The following MBD3 variants were observed in gnomAD, a reference collection of about 807,000 sequenced individuals.
MBD3 encodes methyl-CpG-binding domain protein 3.
Under a neutral mutation model 31.2 loss-of-function variants are expected in MBD3, and 13 were observed. That is an observed-to-expected ratio of 0.42 (90% CI 0.27 to 0.66). MBD3 has a LOEUF of 0.66. MBD3 is among the 30% of genes least tolerant of loss of function. The pLI is 0.26. For synonymous variants in MBD3, 223 were observed against 187.4 expected (o/e 1.19, Z -1.55); for missense variants, 440 against 426.5 (o/e 1.03, Z -0.28).
intron 3 of MBD3, among the ~76,000 whole-genome samples, chr19:1,584,067 C>T (rs59290133): frequency 3.2e-4 from 49 of 152,180 alleles, no homozygotes; most frequent in African/African-American, 1.2e-3. Flanking sequence ...TCAGGTGATC[C>T]ACCTGCCTCG....
In MBD3 at chr19:1,577,698, A is replaced by ATGCCCC. The variant is rs1917236485; in HGVS notation, c.*465_*466insGGGGCA. 6.3e-6 allele frequency: 1 copy of ATGCCCC among 157,542 alleles called. No homozygotes were observed. Among genetic ancestry groups the ATGCCCC allele is most frequent in the African/African-American group, 2.4e-5 (1 of 41,448 alleles). The allele number at this position is 157,542 out of a possible 1,614,324, so 9.8% of individuals were successfully genotyped here. ...CCGTCCTGCATGCCCCCCACAGCAGACCAGAGTCCCGTCCTCACGCTGCAC... is the reference window on the plus strand; with the variant it reads ...CCGTCCTGCATGCCCCCCACAGCAGATGCCCCCCAGAGTCCCGTCCTCACGCTGCAC... On this transcript the variant is annotated 3_prime_UTR_variant, in exon 7 of 7. Transcript: ENST00000434436.
At chr19:1,592,041 G>A (rs1245380899) in intron 1 of MBD3, 1 of 152,448 alleles carries the variant, frequency 6.6e-6, no homozygotes, top group East Asian at 1.9e-4. Context: ...CTTATTCCCA[G>A]GACTGGGGCG....
Position 1,585,238 on chromosome 19 carries a change from C to T in MBD3, c.111-24G>A, listed in dbSNP as rs980618758. 1.2e-5 allele frequency: 18 copies of T among 1,555,400 alleles called. No individual in the cohort carries two copies. The highest frequency in any genetic ancestry group is 3.7e-5 in the Admixed American group (2 of 53,446). Reference sequence around the variant, plus strand: ...GGCTGCGGGGAGGCGGGACGGTCGGCGCCCCGGGCGGACCCCAGACCCCAA... The same window carrying T: ...GGCTGCGGGGAGGCGGGACGGTCGGTGCCCCGGGCGGACCCCAGACCCCAA... On this transcript the variant is annotated intron_variant, in intron 1 of 6. Transcript: ENST00000434436. This position sits in a 1 kb window ranked among gnomAD's most constrained non-coding sequence, Gnocchi z 4.1.
At chr19:1,591,091 CCTG>C (rs1005438908) in intron 1 of MBD3, among the ~76,000 whole-genome samples, 1 of 152,212 alleles carries the variant, frequency 6.6e-6, no homozygotes, top group Non-Finnish European at 1.5e-5. Flanking sequence ...TTAGGGGGTT[CCTG>C]CTGCCTGGAC....
At chr19:1,584,306 T>TAG (rs2060667066) in intron 3 of MBD3, among the ~76,000 whole-genome samples, 1 of 151,980 alleles carries the variant, frequency 6.6e-6, no homozygotes, top group African/African-American at 2.4e-5. Flanking sequence ...AGCCTCAGCC[T>TAG]CCTGGGCTCA....
rs2060675767 is a variant in MBD3, at chr19:1,585,637, G to A, written c.111-423C>T. 8.6e-6 allele frequency: 2 copies of A among 233,814 alleles called. No individual in the cohort carries two copies. Among genetic ancestry groups the A allele is most frequent in the Non-Finnish European group, 8.6e-6 (1 of 116,836 alleles). The allele number at this position is 233,814 out of a possible 1,614,324, so 14.5% of individuals were successfully genotyped here. A position where few individuals can be genotyped will look rare whatever the true frequency, so the allele number is the denominator to read the frequency against. The stretch of plus-strand genomic sequence containing the variant: ...TCGGGTACAAACGCTACTACCTACA[G>A]GGCTTTGGGCCCCGGCTCTGGGAGG... On this transcript the variant is annotated intron_variant, in intron 1 of 6. Transcript: ENST00000434436. The surrounding 1 kb of genome is among the most constrained non-coding windows in gnomAD (Gnocchi z 4.1).
chr19:1,581,294 G>A (rs201517128), intron 4 of MBD3, 25 bp from the exon 5 acceptor site: 61 of 1,599,500 alleles, frequency 3.8e-5, no homozygotes, highest in Admixed American at 1.2e-4. Flanking sequence ...ACAAACAGCC[G>A]CAAGTGGAGA....
At chr19:1,589,741 C>T (rs188915813) in intron 1 of MBD3, among the ~76,000 whole-genome samples, 32 of 151,830 alleles carry the variant, frequency 2.1e-4, no homozygotes, top group Admixed American at 2.0e-3. Flanking sequence ...GCTTAGGAGG[C>T]AGGATCGCTT....
intron 1 of MBD3, among the ~76,000 whole-genome samples, chr19:1,587,661 T>TG (rs2060685608): frequency 6.6e-6 from 1 of 152,218 alleles, no homozygotes; most frequent in Admixed American, 6.5e-5. Flanking sequence ...GAGATCCTCC[T>TG]GCCTCGACCT....
At chr19:1,586,942 C>T (rs1344976232) in intron 1 of MBD3, among the ~76,000 whole-genome samples, 3 of 151,206 alleles carry the variant, frequency 2.0e-5, no homozygotes, top group Non-Finnish European at 4.4e-5. Flanking sequence ...GCTGGGATTA[C>T]AGGTGTGAGT....
chr19:1,589,482 G>A (rs1356775056), intron 1 of MBD3, among the ~76,000 whole-genome samples: 36 of 151,566 alleles, frequency 2.4e-4, no homozygotes, highest in African/African-American at 4.8e-5. Context: ...GTGAAACCCC[G>A]TCTCTATTAA....
At chr19:1,581,443 AG>A in intron 4 of MBD3, 174 bp from the exon 5 acceptor site, 4 of 710,784 alleles carry the variant, frequency 5.6e-6, no homozygotes, top group South Asian at 5.1e-5. Flanking sequence ...CATTCATAAC[AG>A]AAAAAAAAGC....
chr19:1,584,759 C>A, intron 2 of MBD3, 82 bp from the exon 3 acceptor site: 1 of 1,422,224 alleles, frequency 7.0e-7, no homozygotes, highest in Non-Finnish European at 9.5e-7. Context: ...CCGGGTGACC[C>A]CCTGCTTTGC....
chr19:1,580,425 G>A (rs765588622), intron 5 of MBD3, among the ~76,000 whole-genome samples: 4 of 152,228 alleles, frequency 2.6e-5, no homozygotes, highest in Admixed American at 6.5e-5. Flanking sequence ...CTCCCTGGCC[G>A]TTCCGGGTCT....
chr19:1,588,406 GGAA>G (rs1406937896), intron 1 of MBD3, among the ~76,000 whole-genome samples: 3 of 152,160 alleles, frequency 2.0e-5, no homozygotes, highest in Admixed American at 6.5e-5. Context: ...CCACAAGGAA[GGAA>G]GAAGAGACCC....
rs375435322 is a variant in MBD3 at position 1,578,559 on chromosome 19, C to T, written c.678-21G>A. On this transcript the variant is annotated intron_variant, in intron 5 of 6. Coordinates refer to ENST00000434436, the MANE Select transcript of MBD3 (RefSeq NM_001281453.2). The surrounding 1 kb of genome is among the most constrained non-coding windows in gnomAD (Gnocchi z 6.1). Reference sequence around the variant, plus strand: ...GCTTCCTGGGGACACATGGACCTTGCGTTACACCAAGGTGAGCGGCCAGCA... The same window carrying T: ...GCTTCCTGGGGACACATGGACCTTGTGTTACACCAAGGTGAGCGGCCAGCA... 9.9e-6 allele frequency: 16 copies of T among 1,610,922 alleles called. No homozygotes were observed. In the East Asian group the frequency reaches 1.1e-4, roughly 11 times the overall value.
chr19:1,587,571 T>C (rs1394192578), intron 1 of MBD3, among the ~76,000 whole-genome samples: 3 of 152,158 alleles, frequency 2.0e-5, no homozygotes, highest in Admixed American at 6.6e-5. Flanking sequence ...TGCACCACCA[T>C]GCCCAGCTAA....
In MBD3 at chr19:1,592,691, C is replaced by T; in HGVS notation, c.-60G>A. 1.7e-6 allele frequency: 1 copy of T among 603,848 alleles called. No homozygotes were observed. The highest frequency in any genetic ancestry group is 2.1e-6 in the Non-Finnish European group (1 of 467,346). 37.4% of individuals were successfully genotyped at this position (603,848 alleles called of 1,614,324 possible). A position where few individuals can be genotyped will look rare whatever the true frequency, so the allele number is the denominator to read the frequency against. ...CGCCGCCGCCCGGACCCCCACTCGCCGCCGCCGCCTCAGCTGCCTCCGCTG... is the reference window on the plus strand; with the variant it reads ...CGCCGCCGCCCGGACCCCCACTCGCTGCCGCCGCCTCAGCTGCCTCCGCTG... On this transcript the variant is annotated 5_prime_UTR_variant, in exon 1 of 7. Transcript: ENST00000434436.
chr19:1,582,964 G>A (rs932843624), intron 3 of MBD3, among the ~76,000 whole-genome samples: 2 of 152,160 alleles, frequency 1.3e-5, no homozygotes, highest in African/African-American at 2.4e-5. Context: ...AGCACTTTAG[G>A]AGGCCGAAGT....
Sources: allele counts gnomAD v4.1 joint callset (sites outside exome capture counted in the v4.1 genomes callset), GRCh38; gene constraint gnomAD v4.1.1; non-coding constraint Gnocchi (gnomAD v3.1); transcripts MANE v1.5; gene names NCBI Gene and HGNC (gene_info 2026-07-23, HGNC 2026-07-21).